PTPRN2: variants seen among roughly 807,000 people sequenced by gnomAD.
PTPRN2 encodes the protein receptor-type tyrosine-protein phosphatase N2.
A neutral mutation model predicts 118.8 loss-of-function variants in PTPRN2; 74 were observed. The observed-to-expected ratio is 0.62, with a 90% CI of 0.52 to 0.76. The LOEUF is 0.76. Among genes scored for constraint, PTPRN2 ranks in the 30% least tolerant of loss-of-function variants. The pLI is 0.00. For missense variants in PTPRN2, 1,481 were observed against 1,394.4 expected (o/e 1.06, Z -0.99); for synonymous variants, 641 against 608.0 (o/e 1.05, Z -0.80).
chr7:157,660,068 G>A (rs1053424132), intron 13 of PTPRN2, among the ~76,000 whole-genome samples: 19 of 152,224 alleles, frequency 1.2e-4, no homozygotes, highest in African/African-American at 4.6e-4. Flanking sequence ...TCTCAATTGT[G>A]CACATGAATT....
chr7:158,332,861 C>G (rs1429336870), intron 2 of PTPRN2, among the ~76,000 whole-genome samples: 1 of 148,602 alleles, frequency 6.7e-6, no homozygotes, highest in Non-Finnish European at 1.5e-5. Flanking sequence ...GTCACTCACA[C>G]CCACACTCTC....
rs1371674813 is a variant in PTPRN2, at chr7:157,974,336, C to G, written c.1724-75599G>C. ...ACAAGGTCTTCCACGGGGCTCCTCC[C>G]CAGCTCACGGGGAAATCCCCTTTAA... is the stretch of plus-strand genomic sequence containing the variant. On this transcript the variant is annotated intron_variant, in intron 11 of 22. Transcript: ENST00000389418. The surrounding 1 kb of genome is among the most constrained non-coding windows in gnomAD (Gnocchi z 4.0). Among the ~76,000 whole-genome samples the G allele has an allele frequency of 6.6e-6, 1 of 152,216 alleles. No homozygotes were observed. The highest frequency in any genetic ancestry group is 2.4e-5 in the African/African-American group (1 of 41,452).
chr7:158,343,578 G>C (rs569150813), intron 2 of PTPRN2, among the ~76,000 whole-genome samples: 32 of 149,302 alleles, frequency 2.1e-4, no homozygotes, highest in African/African-American at 7.2e-4. Context: ...AGCAGGGCTC[G>C]CGCAGAGGCT....
intron 10 of PTPRN2, among the ~76,000 whole-genome samples, chr7:158,085,240 G>A (rs1291417081): frequency 3.6e-5 from 4 of 112,194 alleles, no homozygotes; most frequent in African/African-American, 1.5e-4. Flanking sequence ...CCACACCCAC[G>A]ACACCCATCC....
Position 157,656,498 on chromosome 7 carries a change from C to A in PTPRN2, c.2055G>T (p.Pro685=), listed in dbSNP as rs146700245. 8 of 1,553,202 alleles carry A rather than the reference C, an allele frequency of 5.2e-6. No homozygotes were observed. Among genetic ancestry groups the A allele is most frequent in the Non-Finnish European group, 6.1e-6 (7 of 1,153,518 alleles). Residue 685 remains proline (P), a synonymous_variant, in exon 14 of 23, where the codon CCG becomes CCT. Transcript: ENST00000389418. ...ATRPPDRPEG[P]HTSRISSVSS... ...AGACGCTGCTGATGCGTGACGTGTG[C>A]GGGCCCTCAGGTCGGTCTGGTGGCC...
chr7:158,541,473 G>A (rs749006891), intron 1 of PTPRN2: 16 of 1,351,924 alleles, frequency 1.2e-5, no homozygotes, highest in African/African-American at 7.4e-5. Context: ...CACTGGCTCC[G>A]TCCTCTCCCT....
chr7:157,906,715 C>G (rs1023780957), intron 11 of PTPRN2, among the ~76,000 whole-genome samples: 11 of 152,162 alleles, frequency 7.2e-5, no homozygotes, highest in Admixed American at 5.9e-4. Context: ...TTTCACTCAC[C>G]CTCTGGGCGC....
intron 2 of PTPRN2, among the ~76,000 whole-genome samples, chr7:158,394,736 G>A (rs1688553773): frequency 6.6e-6 from 1 of 152,248 alleles, no homozygotes; most frequent in Non-Finnish European, 1.5e-5. Context: ...GGGCGACAAG[G>A]ACTGTAGGCA....
Position 157,727,525 on chromosome 7 carries a change from TG to T in PTPRN2, c.1789-44589del, listed in dbSNP as rs112741759. Among the ~76,000 whole-genome samples the T allele has an allele frequency of 9.6e-3, 1,443 of 150,320 alleles. 21 individuals are homozygous for T. Among genetic ancestry groups the T allele is most frequent in the African/African-American group, 0.033 (1,360 of 40,784 alleles). On this transcript the variant is annotated intron_variant, in intron 12 of 22. Transcript: ENST00000389418. ...CAGAGGGTAGAGTGGGCTGCCGGGGTGGGGGGAGGAACAGGGGTCAGTGTTT... is the reference window on the plus strand; with the variant it reads ...CAGAGGGTAGAGTGGGCTGCCGGGGTGGGGGAGGAACAGGGGTCAGTGTTT...
chr7:157,685,174 C>G (rs1353692835), intron 12 of PTPRN2, among the ~76,000 whole-genome samples: 6 of 151,852 alleles, frequency 4.0e-5, no homozygotes, highest in African/African-American at 1.5e-4. Context: ...GGAGGGGGCG[C>G]CCGCCGCCCT....
intron 12 of PTPRN2, among the ~76,000 whole-genome samples, chr7:157,862,155 G>A (rs191638910): frequency 4.3e-3 from 650 of 152,336 alleles, no homozygotes; most frequent in Non-Finnish European, 6.7e-3. Flanking sequence ...CCTTCCTGTC[G>A]CAGGGACATG....
intron 13 of PTPRN2, among the ~76,000 whole-genome samples, chr7:157,672,571 T>C (rs998279453): frequency 6.6e-6 from 1 of 152,202 alleles, no homozygotes; most frequent in African/African-American, 2.4e-5. Flanking sequence ...TCCAGGAAGA[T>C]TGCGTTATTG....
At chr7:158,388,482 G>A (rs1032639569) in intron 2 of PTPRN2, among the ~76,000 whole-genome samples, 3 of 152,152 alleles carry the variant, frequency 2.0e-5, no homozygotes, top group Non-Finnish European at 4.4e-5. Flanking sequence ...CTCTTATAAA[G>A]GACACAGCTC....
At chr7:158,330,090 A>G (rs867329292) in intron 2 of PTPRN2, among the ~76,000 whole-genome samples, 5 of 148,208 alleles carry the variant, frequency 3.4e-5, no homozygotes, top group African/African-American at 1.3e-4. Context: ...ACACCTGCAG[A>G]CGTCACTCAC....
At position 158,351,973 on chromosome 7, in the gene PTPRN2, ACCGCTCCCCTCCTGTCCG is replaced by A. The variant is rs1563190497; in HGVS notation, c.164-35059_164-35042del. Among the ~76,000 whole-genome samples the A allele has an allele frequency of 7.2e-3, 147 of 20,410 alleles. 3 individuals are homozygous for A. Among genetic ancestry groups the A allele is most frequent in the Middle Eastern group, 0.026 (1 of 38 alleles). The allele number at this position is 20,410 out of a possible 152,430, so 13.4% of individuals were successfully genotyped here. A position where few individuals can be genotyped will look rare whatever the true frequency, so the allele number is the denominator to read the frequency against. On this transcript the variant is annotated intron_variant, in intron 2 of 22. Transcript: ENST00000389418. Reference sequence around the variant, plus strand: ...TCCCCTCCTGTCCGCTCCCCTCCTGACCGCTCCCCTCCTGTCCGCTCCCCTCCTGTCCGCTCCCCTCCT... The same window carrying A: ...TCCCCTCCTGTCCGCTCCCCTCCTGACTCCCCTCCTGTCCGCTCCCCTCCT...
intron 11 of PTPRN2, among the ~76,000 whole-genome samples, chr7:158,065,749 A>C (rs1015250844): frequency 3.9e-5 from 6 of 152,276 alleles, no homozygotes; most frequent in African/African-American, 1.4e-4. Flanking sequence ...CCTTAAAAAA[A>C]ACCATATTCT....
At chr7:158,462,698 G>A (rs1394088961) in intron 2 of PTPRN2, among the ~76,000 whole-genome samples, 1 of 152,082 alleles carries the variant, frequency 6.6e-6, no homozygotes, top group African/African-American at 2.4e-5. Flanking sequence ...TGTTTCTCAC[G>A]TAAAACCTGT....
chr7:158,035,939 G>T (rs552120544), intron 11 of PTPRN2, among the ~76,000 whole-genome samples: 1 of 152,120 alleles, frequency 6.6e-6, no homozygotes, highest in South Asian at 2.1e-4. Flanking sequence ...AAAAGAAAAC[G>T]CAAACTAGAG....
intron 3 of PTPRN2, among the ~76,000 whole-genome samples, chr7:158,238,479 G>A (rs1442725862): frequency 1.3e-5 from 2 of 152,164 alleles, no homozygotes; most frequent in East Asian, 1.9e-4. Flanking sequence ...TCCGCCCTCA[G>A]CCACTGTCCC....
Sources: allele counts gnomAD v4.1 joint callset (sites outside exome capture counted in the v4.1 genomes callset), GRCh38; gene constraint gnomAD v4.1.1; non-coding constraint Gnocchi (gnomAD v3.1); transcripts MANE v1.5; gene names NCBI Gene and HGNC (gene_info 2026-07-23, HGNC 2026-07-21).